The following KTN1 variants were observed in gnomAD, a reference collection of about 807,000 sequenced individuals.
KTN1 encodes the protein kinectin 1, also known as kinectin.
Under a neutral mutation model 222.5 loss-of-function variants are expected in KTN1, and 130 were observed. The ratio of observed to expected loss-of-function variants is 0.58; its 90% CI spans 0.51 to 0.68. The LOEUF is 0.68. Ranked by LOEUF, KTN1 falls within the 30% of genes least tolerant of loss-of-function variation. The pLI is 0.00. For synonymous variants in KTN1, 512 were observed against 496.3 expected (o/e 1.03, Z -0.42); for missense variants, 1,508 against 1,500.4 (o/e 1.01, Z -0.08).
At chr14:55,615,890 C>A (rs953151210) in intron 2 of KTN1, among the ~76,000 whole-genome samples, 2 of 145,956 alleles carry the variant, frequency 1.4e-5, no homozygotes, top group African/African-American at 5.1e-5. Flanking sequence ...TTCTTTCTCT[C>A]TTTCTCTCTC....
chr14:55,671,481 A>C (rs924655559), intron 35 of KTN1, 85 bp from the exon 36 acceptor site: 2 of 872,686 alleles, frequency 2.3e-6, no homozygotes, highest in Admixed American at 2.4e-5. Context: ...ATTTATCATA[A>C]TACAGTATTA....
intron 33 of KTN1, among the ~76,000 whole-genome samples, chr14:55,665,332 C>G (rs1408098904): frequency 6.6e-6 from 1 of 151,904 alleles, no homozygotes; most frequent in Non-Finnish European, 1.5e-5. Context: ...GGGTGCTAAT[C>G]ACACCATTCC....
In KTN1 at chr14:55,596,821, G is replaced by GT. The variant is rs202081402; in HGVS notation, c.-30-15190dup. Among the ~76,000 whole-genome samples the GT allele has an allele frequency of 3.2e-3, 484 of 149,124 alleles. 3 individuals carry two copies. Among genetic ancestry groups the GT allele is most frequent in the African/African-American group, 7.9e-3 (320 of 40,616 alleles). ...AGAACCTTTTTTTTTTTTTGACAAA[G>GT]TTTTTTTTGCCACTGTAGACTTAAA... On this transcript the variant is annotated intron_variant, in intron 1 of 43. Transcript: ENST00000395314.
At chr14:55,628,832 G>A (rs1025914279) in intron 6 of KTN1, among the ~76,000 whole-genome samples, 3 of 152,122 alleles carry the variant, frequency 2.0e-5, no homozygotes, top group African/African-American at 7.2e-5. Context: ...TTAAAAATTA[G>A]GATAACTAAT....
intron 18 of KTN1, among the ~76,000 whole-genome samples, chr14:55,643,859 A>G (rs1363800226): frequency 6.6e-6 from 1 of 152,182 alleles, no homozygotes; most frequent in Admixed American, 6.5e-5. Context: ...TAATGTTTCT[A>G]CGTACTTTTA....
At chr14:55,584,222 A>C (rs1328982394) in intron 1 of KTN1, among the ~76,000 whole-genome samples, 1 of 150,988 alleles carries the variant, frequency 6.6e-6, no homozygotes, top group Non-Finnish European at 1.5e-5. Flanking sequence ...CCTTACCTCT[A>C]AGGTTAGCTA....
chr14:55,627,719 G>A (rs1407543469), intron 5 of KTN1, among the ~76,000 whole-genome samples, 193 bp from the exon 6 acceptor site: 1 of 152,080 alleles, frequency 6.6e-6, no homozygotes, highest in Non-Finnish European at 1.5e-5. Flanking sequence ...GCAGTGTTTG[G>A]TTTTCTGTTC....
At chr14:55,683,913 T>A (rs1478345218) in intron 43 of KTN1, among the ~76,000 whole-genome samples, 186 bp from the exon 44 acceptor site, 1 of 152,154 alleles carries the variant, frequency 6.6e-6, no homozygotes, top group Non-Finnish European at 1.5e-5. Flanking sequence ...ACCTAAAAGC[T>A]TGTTTCCTTT....
intron 41 of KTN1, among the ~76,000 whole-genome samples, chr14:55,676,731 T>TA (rs1173108820): frequency 1.3e-5 from 2 of 152,226 alleles, no homozygotes; most frequent in Non-Finnish European, 2.9e-5. Context: ...TATCTCATTT[T>TA]AAAAAATAAT....
Position 55,673,183 on chromosome 14 carries a change from GT to G in KTN1, c.3701del (p.Leu1234Ter). 1 of 1,612,428 alleles carries G rather than the reference GT, an allele frequency of 6.2e-7. No individual in the cohort carries two copies. Among genetic ancestry groups the G allele is most frequent in the East Asian group, 2.2e-5 (1 of 44,772 alleles). On this transcript the variant is annotated frameshift_variant, in exon 40 of 44. Transcript: ENST00000395314. LOFTEE classifies it high-confidence loss of function. ...VTEVRELKDL[L>X]TELQKKLDDS... is the part of the protein sequence containing the mutation. Reference sequence around the variant, plus strand: ...AAACTTCATTGCAGCTGAAAGATCTGTTGACTGAATTGCAGAAAAAACTTGA... The same window carrying G: ...AAACTTCATTGCAGCTGAAAGATCTGTGACTGAATTGCAGAAAAAACTTGA...
intron 1 of KTN1, among the ~76,000 whole-genome samples, chr14:55,586,516 A>G (rs377436581): frequency 1.3e-5 from 2 of 152,196 alleles, no homozygotes; most frequent in Non-Finnish European, 2.9e-5. Flanking sequence ...AAAGACACAA[A>G]TATCTTTAGG....
chr14:55,661,701 A>T (rs2044159978), intron 32 of KTN1, 89 bp downstream of exon 32: 2 of 644,646 alleles, frequency 3.1e-6, no homozygotes, highest in South Asian at 5.2e-5. Flanking sequence ...ATCTACTTTT[A>T]CTTTAGATTT....
chr14:55,641,118 C>A lies in KTN1; in HGVS notation c.2022-9C>A. 2 of 1,555,212 alleles carry A rather than the reference C, an allele frequency of 1.3e-6. No individual in the cohort carries two copies. The highest frequency in any genetic ancestry group is 8.7e-7 in the Non-Finnish European group (1 of 1,143,012). ...TGAAGTATTTTAATTTTTTTTTTCA[C>A]CCTCATAGTGTTTATGTTAAAGATG... On this transcript the variant is annotated splice_polypyrimidine_tract_variant and intron_variant, in intron 16 of 43. Transcript: ENST00000395314.
chr14:55,654,153 G>T (rs1403106047), intron 28 of KTN1, among the ~76,000 whole-genome samples: 1 of 152,118 alleles, frequency 6.6e-6, no homozygotes, highest in African/African-American at 2.4e-5. Context: ...TAGAGAGTCT[G>T]TTGTCTTAAG....
chr14:55,624,982 G>A (rs927594021), intron 5 of KTN1, among the ~76,000 whole-genome samples: 3 of 152,194 alleles, frequency 2.0e-5, no homozygotes, highest in African/African-American at 7.2e-5. Flanking sequence ...TAGGTGGGAA[G>A]GGGAAAACAG....
intron 13 of KTN1, 73 bp downstream of exon 13, chr14:55,639,295 T>C (rs2274077): frequency 0.042 from 44,283 of 1,062,304 alleles, 3,010 homozygotes; most frequent in Admixed American, 0.23. Context: ...GCGACACTTA[T>C]GATTAACTTT....
intron 1 of KTN1, among the ~76,000 whole-genome samples, chr14:55,603,667 A>C (rs2036304612): frequency 6.6e-6 from 1 of 152,206 alleles, no homozygotes; most frequent in Non-Finnish European, 1.5e-5. Context: ...TTATGGCTTT[A>C]AATATAGTCC....
chr14:55,648,951 G>A, intron 21 of KTN1, 81 bp downstream of exon 21: 1 of 983,212 alleles, frequency 1.0e-6, no homozygotes, highest in Non-Finnish European at 1.6e-6. Context: ...AAAGAAACGG[G>A]GTCTTGCTCT....
chr14:55,679,941 C>T, intron 43 of KTN1: 1 of 421,426 alleles, frequency 2.4e-6, no homozygotes. Flanking sequence ...AACTTGGCTG[C>T]CTGGGTTTTT....
Sources: gnomAD v4.1 joint callset for allele counts (sites outside exome capture counted in the v4.1 genomes callset) on GRCh38, gnomAD v4.1.1 for gene constraint, MANE v1.5 for transcripts, NCBI Gene and HGNC (gene_info 2026-07-23, HGNC 2026-07-21) for gene names.